Variants in HIP1 observed in about 807,000 individuals in gnomAD.
HIP1 encodes the protein huntingtin interacting protein 1, also known as huntingtin-interacting protein 1.
Under a neutral mutation model 147.6 loss-of-function variants are expected in HIP1, and 65 were observed. The ratio of observed to expected loss-of-function variants is 0.44; its 90% CI spans 0.36 to 0.54. HIP1 has a LOEUF of 0.54. Ranked by LOEUF, HIP1 falls within the 20% of genes least tolerant of loss-of-function variation. HIP1 has a pLI of 0.00. For synonymous variants in HIP1, 479 were observed against 504.0 expected (o/e 0.95, Z 0.67); for missense variants, 1,061 against 1,299.6 (o/e 0.82, Z 2.82).
chr7:75,555,847 A>G (rs1325818571), intron 18 of HIP1, among the ~76,000 whole-genome samples, 179 bp downstream of exon 18: 4 of 152,056 alleles, frequency 2.6e-5, no homozygotes, highest in Admixed American at 6.5e-5. Context: ...GCTTTCCCTC[A>G]TGGACTCTGC....
intron 15 of HIP1, 43 bp downstream of exon 15, chr7:75,558,124 G>T: frequency 6.6e-7 from 1 of 1,515,924 alleles, no homozygotes; most frequent in Non-Finnish European, 9.2e-7. Context: ...TCTCCCTAGA[G>T]GTGCAGGGCC....
At chr7:75,589,985 G>A (rs1006199595) in intron 4 of HIP1, among the ~76,000 whole-genome samples, 2 of 151,774 alleles carry the variant, frequency 1.3e-5, no homozygotes, top group Admixed American at 6.6e-5. Context: ...CGCCCGCCTC[G>A]GCCTCCCAAA....
intron 1 of HIP1, among the ~76,000 whole-genome samples, chr7:75,673,369 A>C (rs1215398868): frequency 6.6e-6 from 1 of 152,014 alleles, no homozygotes; most frequent in Non-Finnish European, 1.5e-5. Context: ...GATCCCTTGC[A>C]TTTCCATATG....
rs1554489414 is a variant in HIP1 at position 75,539,359 on chromosome 7, A to G, written c.3025T>C (p.Tyr1009His). The G allele has an allele frequency of 6.2e-7, 1 of 1,614,042 alleles. No homozygotes were observed. Among genetic ancestry groups the G allele is most frequent in the African/African-American group, 1.3e-5 (1 of 74,930 alleles). ...CCCTCAGCAACACCAGCAAGCTCGTAGTGCTTTTTCCGAAGCTCTCCCAGT... is the reference window on the plus strand; with the variant it reads ...CCCTCAGCAACACCAGCAAGCTCGTGGTGCTTTTTCCGAAGCTCTCCCAGT... ...QKLGELRKKH[Y>H]ELAGVAEGWE... is the part of the protein sequence containing the mutation. The change falls in exon 30 of 31, where the codon TAC (tyrosine) becomes CAC (histidine). Residue 1009 changes from tyrosine to histidine, a missense_variant. Tyr to His is a moderately conservative substitution (Grantham distance 83). This residue lies in a region of HIP1 where 810 missense variants were observed against 946.8 expected (regional missense o/e 0.86). Transcript: ENST00000336926.
intron 1 of HIP1, among the ~76,000 whole-genome samples, chr7:75,690,102 A>G (rs1160086300): frequency 6.6e-6 from 1 of 152,026 alleles, no homozygotes; most frequent in Admixed American, 6.6e-5. Flanking sequence ...GCAAAACCCA[A>G]TTTTTACAAA....
chr7:75,703,169 C>T (rs1000075992), intron 1 of HIP1, among the ~76,000 whole-genome samples: 1 of 151,800 alleles, frequency 6.6e-6, no homozygotes, highest in Admixed American at 6.6e-5. Flanking sequence ...GCCAACATGG[C>T]GAAACCCATC....
chr7:75,718,224 G>A (rs1402789749), intron 1 of HIP1, among the ~76,000 whole-genome samples: 1 of 152,106 alleles, frequency 6.6e-6, no homozygotes, highest in Admixed American at 6.6e-5. Flanking sequence ...GCATGGTGGT[G>A]CACACTCCTG....
chr7:75,538,626 G>A (rs1273564239), intron 30 of HIP1, among the ~76,000 whole-genome samples: 2 of 144,724 alleles, frequency 1.4e-5, no homozygotes, highest in Non-Finnish European at 3.0e-5. Flanking sequence ...CCAGGCTGGA[G>A]TGCAGTGGCG....
intron 1 of HIP1, among the ~76,000 whole-genome samples, chr7:75,627,122 C>A (rs1798070648): frequency 1.3e-5 from 2 of 152,138 alleles, no homozygotes; most frequent in Non-Finnish European, 2.9e-5. Context: ...GGAGCCCCAG[C>A]CCGGCAAACT....
In HIP1 at chr7:75,729,721, G is replaced by A. The variant is rs1053486223; in HGVS notation, c.120+9080C>T. Reference sequence around the variant, plus strand: ...GAATAGCTTGAACCCAGGAGGCAGAGGTTGCAGTGAGCCGAGATCGCGCTA... The same window carrying A: ...GAATAGCTTGAACCCAGGAGGCAGAAGTTGCAGTGAGCCGAGATCGCGCTA... On this transcript the variant is annotated intron_variant, in intron 1 of 30. Coordinates refer to ENST00000336926, the MANE Select transcript of HIP1 (RefSeq NM_005338.7). Among the ~76,000 whole-genome samples the A allele has an allele frequency of 2.8e-4, 43 of 152,268 alleles. 1 individual carries two copies. The highest frequency in any genetic ancestry group is 1.6e-4 in the Non-Finnish European group (11 of 68,026).
intron 1 of HIP1, among the ~76,000 whole-genome samples, chr7:75,604,565 C>T (rs1797143449): frequency 6.6e-6 from 1 of 151,954 alleles, no homozygotes; most frequent in African/African-American, 2.4e-5. Context: ...ACTCTGGAGA[C>T]TGAGGTGGGA....
chr7:75,552,565 T>C (rs1475739612), intron 22 of HIP1, among the ~76,000 whole-genome samples: 1 of 151,020 alleles, frequency 6.6e-6, no homozygotes, highest in Non-Finnish European at 1.5e-5. Flanking sequence ...CTATGTTGCC[T>C]AGGCTGATAT....
rs2705818 is a variant in HIP1, at chr7:75,674,334, G to T, written c.120+64467C>A. On this transcript the variant is annotated intron_variant, in intron 1 of 30. Transcript: ENST00000336926. ...CTATTAAGTATGTTGTTAGCCATGGGTTTTTTTGTTTTTGGTAGATTTCCT... is the reference window on the plus strand; with the variant it reads ...CTATTAAGTATGTTGTTAGCCATGGTTTTTTTTGTTTTTGGTAGATTTCCT... 8.9e-3 allele frequency among the ~76,000 whole-genome samples: 1,353 copies of T among 152,080 alleles called. 22 individuals carry two copies. The highest frequency in any genetic ancestry group is 0.031 in the African/African-American group (1,289 of 41,474).
chr7:75,589,177 GAAGAA>G (rs1180978463), intron 4 of HIP1, among the ~76,000 whole-genome samples: 3 of 150,770 alleles, frequency 2.0e-5, no homozygotes, highest in Admixed American at 6.6e-5. Flanking sequence ...AGAAGAAGAA[GAAGAA>G]AAGAAAAGAA....
intron 2 of HIP1, among the ~76,000 whole-genome samples, chr7:75,595,235 TCTTTCTTTCTTTCTTTCTTC>T (rs1477061749): frequency 1.1e-3 from 117 of 109,438 alleles, no homozygotes; most frequent in East Asian, 5.9e-3. Flanking sequence ...TTTCTTTCTT[TCTTTCTTTCTTTCTTTCTTC>T]CTTCCTTCCT....
In HIP1 at chr7:75,633,538, C is replaced by T. The variant is rs587601792; in HGVS notation, c.121-34291G>A. On this transcript the variant is annotated intron_variant, in intron 1 of 30. Transcript: ENST00000336926. ...AACTCCTGACCTTAGTTGATCCTCCCGCCTTGGCCTCTCAAAGTGCTGGGA... is the reference window on the plus strand; with the variant it reads ...AACTCCTGACCTTAGTTGATCCTCCTGCCTTGGCCTCTCAAAGTGCTGGGA... Among the ~76,000 whole-genome samples, 13 of 152,216 alleles carry T rather than the reference C, an allele frequency of 8.5e-5. No homozygotes were observed. The East Asian group carries it at 1.5e-3, about 18-fold the overall frequency.
At chr7:75,714,095 A>G (rs1231796693) in intron 1 of HIP1, among the ~76,000 whole-genome samples, 3 of 150,878 alleles carry the variant, frequency 2.0e-5, no homozygotes, top group African/African-American at 7.3e-5. Context: ...GCTGGAGTGC[A>G]GTGGCGCCAT....
At chr7:75,649,006 C>T (rs1554511519) in intron 1 of HIP1, among the ~76,000 whole-genome samples, 1 of 151,918 alleles carries the variant, frequency 6.6e-6, no homozygotes, top group African/African-American at 2.4e-5. Context: ...GATGGGGTCT[C>T]ACTGAGTTGT....
intron 1 of HIP1, chr7:75,611,591 C>T: frequency 1.2e-6 from 1 of 807,350 alleles, no homozygotes; most frequent in Non-Finnish European, 1.5e-6. Flanking sequence ...TGAACTGTTC[C>T]CGCCCCGCCA....
Sources: gnomAD v4.1 joint callset for allele counts (sites outside exome capture counted in the v4.1 genomes callset) on GRCh38, gnomAD v4.1.1 for gene constraint, gnomAD v4.1.1 regional missense constraint, MANE v1.5 for transcripts, NCBI Gene and HGNC (gene_info 2026-07-23, HGNC 2026-07-21) for gene names.